MBNL2: variants seen among roughly 807,000 people sequenced by gnomAD.
MBNL2 encodes the protein muscleblind-like protein 2.
A neutral mutation model predicts 41.9 loss-of-function variants in MBNL2; 17 were observed. The ratio of observed to expected loss-of-function variants is 0.41; its 90% CI spans 0.28 to 0.61. MBNL2 has a LOEUF of 0.61. Among genes scored for constraint, MBNL2 ranks in the 20% least tolerant of loss-of-function variants. The probability of loss-of-function intolerance (pLI) is 0.35; values close to 1 mark genes in which losing one functional copy is unlikely to be tolerated. For missense variants in MBNL2, 336 were observed against 505.6 expected (o/e 0.66, Z 3.22); for synonymous variants, 195 against 182.9 (o/e 1.07, Z -0.53).
intron 8 of MBNL2, among the ~76,000 whole-genome samples, chr13:97,368,313 T>A (rs1355785109): frequency 6.6e-6 from 1 of 151,636 alleles, no homozygotes; most frequent in East Asian, 1.9e-4. Flanking sequence ...CTTGGGAGGC[T>A]GAGGTGGGAG....
At chr13:97,295,331 T>C (rs903483180) in intron 2 of MBNL2, among the ~76,000 whole-genome samples, 2 of 152,074 alleles carry the variant, frequency 1.3e-5, no homozygotes, top group African/African-American at 2.4e-5. Context: ...AAGTTTTTTT[T>C]TTTCTATACC....
At chr13:97,373,363 G>C (rs2064582862) in intron 8 of MBNL2, among the ~76,000 whole-genome samples, 1 of 151,810 alleles carries the variant, frequency 6.6e-6, no homozygotes, top group Admixed American at 6.6e-5. Flanking sequence ...AGATGAGGGA[G>C]AATTGCCATA....
At chr13:97,305,081 C>T (rs2058002780) in intron 2 of MBNL2, among the ~76,000 whole-genome samples, 1 of 152,222 alleles carries the variant, frequency 6.6e-6, no homozygotes, top group South Asian at 2.1e-4. Context: ...ATTACCAGCC[C>T]ACCCTGGATC....
chr13:97,260,097 A>C (rs2152873532), intron 1 of MBNL2, among the ~76,000 whole-genome samples: 1 of 152,352 alleles, frequency 6.6e-6, no homozygotes, highest in African/African-American at 2.4e-5. Flanking sequence ...GAAATAAAGC[A>C]CGGTGAGTCA....
At chr13:97,239,257 T>G (rs1594077093) in intron 1 of MBNL2, among the ~76,000 whole-genome samples, 1 of 152,270 alleles carries the variant, frequency 6.6e-6, no homozygotes, top group South Asian at 2.1e-4. Flanking sequence ...ACTCTTCTCC[T>G]AAATAACAAC....
At chr13:97,327,728 C>T (rs542751111) in intron 2 of MBNL2, among the ~76,000 whole-genome samples, 53 of 152,164 alleles carry the variant, frequency 3.5e-4, no homozygotes, top group African/African-American at 1.2e-3. Context: ...CAAAGAAAAA[C>T]AGATCTGAGG....
intron 1 of MBNL2, among the ~76,000 whole-genome samples, chr13:97,248,663 A>T (rs1421847109): frequency 3.9e-5 from 6 of 152,260 alleles, no homozygotes; most frequent in Admixed American, 2.0e-4. Context: ...TCTTGTGTTT[A>T]TGATTACTGT....
At chr13:97,329,363 G>A (rs1007150617) in intron 2 of MBNL2, among the ~76,000 whole-genome samples, 26 of 152,032 alleles carry the variant, frequency 1.7e-4, no homozygotes, top group Non-Finnish European at 3.2e-4. Flanking sequence ...ATCAGGGTGC[G>A]ATTTAAATGT....
the MBNL2 span, among the ~76,000 whole-genome samples, chr13:97,159,527 G>A: frequency 1.3e-5 from 2 of 152,032 alleles, no homozygotes; most frequent in African/African-American, 4.8e-5. Flanking sequence ...TTTTGCAGTG[G>A]CTGGTACCGG....
chr13:97,322,246 G>A (rs916358260), intron 2 of MBNL2, among the ~76,000 whole-genome samples: 3 of 152,090 alleles, frequency 2.0e-5, no homozygotes, highest in Non-Finnish European at 2.9e-5. Context: ...CCCACGCCAT[G>A]GTGCAAGCTG....
intron 1 of MBNL2, among the ~76,000 whole-genome samples, chr13:97,271,774 T>G (rs187183333): frequency 1.3e-5 from 2 of 152,336 alleles, no homozygotes; most frequent in Admixed American, 1.3e-4. Flanking sequence ...TTCCGCTGCA[T>G]AGTATTCCAT....
chr13:97,250,342 G>A (rs1207772735), intron 1 of MBNL2, among the ~76,000 whole-genome samples: 1 of 152,114 alleles, frequency 6.6e-6, no homozygotes, highest in East Asian at 1.9e-4. Context: ...TTGAGATGTT[G>A]GTTTCCTCTC....
chr13:97,301,405 A>G (rs1363058873), intron 2 of MBNL2, among the ~76,000 whole-genome samples: 2 of 152,232 alleles, frequency 1.3e-5, no homozygotes, highest in Non-Finnish European at 2.9e-5. Context: ...ACTATTTTCT[A>G]GATAGATCTA....
At chr13:97,347,967 T>G (rs1157857283) in intron 5 of MBNL2, among the ~76,000 whole-genome samples, 1 of 152,164 alleles carries the variant, frequency 6.6e-6, no homozygotes, top group East Asian at 1.9e-4. Flanking sequence ...CTTATCAAAC[T>G]TGGCTACATT....
At chr13:97,143,318 A>G in the MBNL2 span, among the ~76,000 whole-genome samples, 5 of 152,336 alleles carry the variant, frequency 3.3e-5, no homozygotes, top group Non-Finnish European at 5.9e-5. Flanking sequence ...ATCATACCAC[A>G]TAGCCATTAG....
chr13:97,178,529 C>G, the MBNL2 span, among the ~76,000 whole-genome samples: 1 of 152,164 alleles, frequency 6.6e-6, no homozygotes, highest in African/African-American at 2.4e-5. Flanking sequence ...TGTGATTTCT[C>G]CAAGGGTGCT....
At chr13:97,152,765 C>G in the MBNL2 span, among the ~76,000 whole-genome samples, 2 of 152,206 alleles carry the variant, frequency 1.3e-5, no homozygotes, top group East Asian at 1.9e-4. Flanking sequence ...TTTCTTGCAC[C>G]TTTTCTCAGG....
Position 97,366,586 on chromosome 13 carries a change from C to A in MBNL2, c.1048+1415C>A. 4 of 1,366,432 alleles carry A rather than the reference C, an allele frequency of 2.9e-6. No individual in the cohort carries two copies. The highest frequency in any genetic ancestry group is 4.2e-6 in the Non-Finnish European group (4 of 958,974). The allele number at this position is 1,366,432 out of a possible 1,614,324, so 84.6% of individuals were successfully genotyped here. Reference sequence around the variant, plus strand: ...CCTTTTAAAGCTTTCTTTCACAAATCCCAAACTCTAAATGAGTGCTGATAT... The same window carrying A: ...CCTTTTAAAGCTTTCTTTCACAAATACCAAACTCTAAATGAGTGCTGATAT... On this transcript the variant is annotated intron_variant, in intron 8 of 8. Coordinates refer to ENST00000679496, the MANE Select transcript of MBNL2 (RefSeq NM_001382683.1). The surrounding 1 kb of genome is among the most constrained non-coding windows in gnomAD (Gnocchi z 4.7).
chr13:97,380,142 A>G (rs2065300437), intron 8 of MBNL2, among the ~76,000 whole-genome samples: 1 of 152,210 alleles, frequency 6.6e-6, no homozygotes, highest in Admixed American at 6.5e-5. Flanking sequence ...TTCTTTCTAA[A>G]TGAAACCATG....
Sources: allele counts gnomAD v4.1 joint callset (sites outside exome capture counted in the v4.1 genomes callset), GRCh38; gene constraint gnomAD v4.1.1; non-coding constraint Gnocchi (gnomAD v3.1); transcripts MANE v1.5; gene names NCBI Gene and HGNC (gene_info 2026-07-23, HGNC 2026-07-21).